CSMD1: variants seen among roughly 807,000 people sequenced by gnomAD.
CSMD1 encodes CUB and sushi domain-containing protein 1.
CSMD1 carries 213 observed loss-of-function variants against 417.5 expected under a neutral mutation model. That is an observed-to-expected ratio of 0.51 (90% CI 0.46 to 0.57). The LOEUF (loss-of-function observed/expected upper bound fraction) is 0.57, where lower values mean the gene tolerates loss of function less well. Among genes scored for constraint, CSMD1 ranks in the 20% least tolerant of loss-of-function variants. The pLI is 0.00. For missense variants in CSMD1, 6,923 were observed against 4,529.7 expected (o/e 1.53, Z -15.17); for synonymous variants, 2,862 against 1,736.8 (o/e 1.65, Z -16.11).
intron 1 of CSMD1, among the ~76,000 whole-genome samples, chr8:4,922,011 A>G (rs1191539719): frequency 6.6e-6 from 1 of 152,086 alleles, no homozygotes; most frequent in Non-Finnish European, 1.5e-5. Flanking sequence ...TTTCCTTCCT[A>G]TGAAAAGCCT....
At chr8:4,676,948 T>G (rs954771566) in intron 1 of CSMD1, among the ~76,000 whole-genome samples, 1 of 146,946 alleles carries the variant, frequency 6.8e-6, no homozygotes, top group African/African-American at 2.5e-5. Context: ...TATAGAGAAA[T>G]TATATATATC....
intron 49 of CSMD1, among the ~76,000 whole-genome samples, chr8:3,064,424 C>A (rs928204899): frequency 3.3e-5 from 5 of 152,174 alleles, no homozygotes; most frequent in African/African-American, 1.2e-4. Context: ...TTCCCCTTCG[C>A]TTTCTGCCAT....
intron 25 of CSMD1, among the ~76,000 whole-genome samples, chr8:3,306,437 G>A (rs1032787891): frequency 6.6e-6 from 1 of 152,076 alleles, no homozygotes; most frequent in African/African-American, 2.4e-5. Context: ...GCCTCCCAAA[G>A]TGTTAGGCAT....
intron 2 of CSMD1, among the ~76,000 whole-genome samples, chr8:4,450,561 G>A (rs1213331448): frequency 6.6e-6 from 1 of 152,052 alleles, no homozygotes; most frequent in Non-Finnish European, 1.5e-5. Context: ...CTTGAACCCG[G>A]GAGGCAGAGG....
intron 49 of CSMD1, among the ~76,000 whole-genome samples, chr8:3,081,959 T>A (rs1285397508): frequency 6.6e-6 from 1 of 152,140 alleles, no homozygotes; most frequent in Non-Finnish European, 1.5e-5. Flanking sequence ...GAAGCTTCCT[T>A]TCCCTCACAT....
chr8:2,949,398 G>GAAAGAAAAGA lies in CSMD1; in HGVS notation c.10315-22_10315-13dup, dbSNP rs5741961. ...AGTCCAGATGACACCTGACACATAGGAAAGAAAAGAAAAGAAATAAAAAGG... is the reference window on the plus strand; with the variant it reads ...AGTCCAGATGACACCTGACACATAGGAAAGAAAAGAAAAGAAAAGAAAAGAAATAAAAAGG... On this transcript the variant is annotated splice_polypyrimidine_tract_variant and intron_variant, in intron 67 of 69. Transcript: ENST00000635120. The GAAAGAAAAGA allele has an allele frequency of 0.64, 730,866 of 1,142,768 alleles. 243,989 individuals are homozygous for GAAAGAAAAGA. Among genetic ancestry groups the GAAAGAAAAGA allele is most frequent in the East Asian group, 0.71 (29,460 of 41,568 alleles). 70.8% of individuals were successfully genotyped at this position (1,142,768 alleles called of 1,614,324 possible). A position where few individuals can be genotyped will look rare whatever the true frequency, so the allele number is the denominator to read the frequency against.
At position 2,965,782 on chromosome 8, in the gene CSMD1, G is replaced by C. The variant is rs1040369919; in HGVS notation, c.9273C>G (p.Val3091=). ...KDGRWNPSKP[V]CKAVLCPQPP... is the part of the protein sequence containing the mutation. ...AAGAGTCACCAAACAAACCTTTGCA[G>C]ACAGGTTTGCTCGGATTCCACCTGC... The change falls in exon 59 of 70, where the codon GTC becomes GTG. Residue 3091 remains valine (V), a synonymous_variant. Transcript: ENST00000635120. The C allele has an allele frequency of 6.2e-7, 1 of 1,603,786 alleles. No individual in the cohort carries two copies. The highest frequency in any genetic ancestry group is 1.3e-5 in the African/African-American group (1 of 74,906).
chr8:4,245,700 G>T (rs1050086939), intron 3 of CSMD1, among the ~76,000 whole-genome samples: 1 of 151,844 alleles, frequency 6.6e-6, no homozygotes, highest in Non-Finnish European at 1.5e-5. Context: ...CCTATGTGAG[G>T]TAATTTTTTC....
intron 5 of CSMD1, among the ~76,000 whole-genome samples, chr8:3,802,113 A>C (rs966311921): frequency 6.6e-6 from 1 of 152,194 alleles, no homozygotes; most frequent in African/African-American, 2.4e-5. Flanking sequence ...ACATTGTTTT[A>C]AAAAGGTAAA....
At chr8:4,097,181 T>C (rs1368409972) in intron 3 of CSMD1, among the ~76,000 whole-genome samples, 1 of 152,174 alleles carries the variant, frequency 6.6e-6, no homozygotes, top group Non-Finnish European at 1.5e-5. Flanking sequence ...ATATGCTCAA[T>C]AAGCAATTGC....
At chr8:3,818,912 A>G (rs1173712671) in intron 5 of CSMD1, among the ~76,000 whole-genome samples, 2 of 152,298 alleles carry the variant, frequency 1.3e-5, no homozygotes, top group East Asian at 1.9e-4. Flanking sequence ...ACCACCGCAC[A>G]TGCCCACACT....
intron 3 of CSMD1, among the ~76,000 whole-genome samples, chr8:4,073,924 C>A (rs1358336537): frequency 6.6e-6 from 1 of 152,190 alleles, no homozygotes; most frequent in South Asian, 2.1e-4. Context: ...TTAATCTATA[C>A]AGACGGTTTT....
chr8:3,148,952 T>C (rs1819018791), intron 40 of CSMD1, among the ~76,000 whole-genome samples: 2 of 152,220 alleles, frequency 1.3e-5, no homozygotes, highest in South Asian at 4.1e-4. Flanking sequence ...GATAATACTT[T>C]TCATGCCTGT....
intron 54 of CSMD1, among the ~76,000 whole-genome samples, chr8:2,981,713 A>AAC (rs553268117): frequency 8.5e-4 from 129 of 152,328 alleles, no homozygotes; most frequent in African/African-American, 3.0e-3. Flanking sequence ...AGTTCAAATG[A>AAC]ACACACAGGC....
At chr8:3,407,570 G>T (rs1414809527) in intron 14 of CSMD1, among the ~76,000 whole-genome samples, 1 of 151,806 alleles carries the variant, frequency 6.6e-6, no homozygotes, top group African/African-American at 2.4e-5. Context: ...ATAATGGTTT[G>T]GTGGGTGCAT....
rs1394137151 is a variant in CSMD1 at position 2,974,502 on chromosome 8, TC to T, written c.8688del (p.Arg2897GlufsTer56). 6.2e-7 allele frequency: 1 copy of T among 1,613,682 alleles called. No homozygotes were observed. Among genetic ancestry groups the T allele is most frequent in the Admixed American group, 1.7e-5 (1 of 60,008 alleles). ...RGSESLIGNDTRVCQEDSHWS... is the reference protein window; with the variant it reads ...RGSESLIGNDXRVCQEDSHWS... ...CAGTGACTGTCTTCCTGGCACACTC[TC>T]GTGTCGTTGCCTATGAGGCTCTCGC... On this transcript the variant is annotated frameshift_variant, in exon 56 of 70. Transcript: ENST00000635120. LOFTEE classifies it high-confidence loss of function.
At chr8:4,659,059 G>C (rs1321710792) in intron 1 of CSMD1, among the ~76,000 whole-genome samples, 2 of 152,000 alleles carry the variant, frequency 1.3e-5, no homozygotes. Flanking sequence ...ACATAAACAA[G>C]AAAACCAGAG....
At chr8:3,142,762 C>T (rs1818582794) in intron 40 of CSMD1, 88 bp from the exon 41 acceptor site, 1 of 1,085,596 alleles carries the variant, frequency 9.2e-7, no homozygotes, top group Admixed American at 1.7e-5. Flanking sequence ...TGTTAGCAGT[C>T]TCCCCAGACA....
chr8:3,658,985 G>C (rs1338216428), intron 7 of CSMD1, among the ~76,000 whole-genome samples: 2 of 152,098 alleles, frequency 1.3e-5, no homozygotes, highest in African/African-American at 2.4e-5. Flanking sequence ...AATATTTGTA[G>C]TGTGTTCTTC....
Sources: gnomAD v4.1 joint callset for allele counts (sites outside exome capture counted in the v4.1 genomes callset) on GRCh38, gnomAD v4.1.1 for gene constraint, MANE v1.5 for transcripts, NCBI Gene and HGNC (gene_info 2026-07-23, HGNC 2026-07-21) for gene names.